The following WNK2 variants were observed in gnomAD, a reference collection of about 807,000 sequenced individuals.
WNK2 encodes WNK lysine deficient protein kinase 2, also known as serine/threonine-protein kinase WNK2.
A neutral mutation model predicts 192.1 loss-of-function variants in WNK2; 67 were observed. That is an observed-to-expected ratio of 0.35 (90% CI 0.29 to 0.43). The LOEUF (loss-of-function observed/expected upper bound fraction) is 0.43. WNK2 is among the 20% of genes least tolerant of loss of function. The probability of loss-of-function intolerance (pLI) is 1.00; values close to 1 mark genes in which losing one functional copy is unlikely to be tolerated. For missense variants in WNK2, 2,698 were observed against 3,089.7 expected (o/e 0.87, Z 3.01); for synonymous variants, 1,439 against 1,393.9 (o/e 1.03, Z -0.72).
chr9:93,314,931 C>T (rs1854349124), intron 28 of WNK2, among the ~76,000 whole-genome samples: 1 of 152,086 alleles, frequency 6.6e-6, no homozygotes, highest in Admixed American at 6.5e-5. Flanking sequence ...ATTCCCTAAA[C>T]ATTCTCATAC....
rs1843430836 is a variant in WNK2, at chr9:93,257,085, G to T, written c.2328G>T (p.Lys776Asn). 1.2e-6 allele frequency: 2 copies of T among 1,608,612 alleles called. No individual in the cohort carries two copies. Among genetic ancestry groups the T allele is most frequent in the Non-Finnish European group, 1.7e-6 (2 of 1,179,018 alleles). Residue 776 changes from lysine to asparagine, a missense_variant, in exon 11 of 30, where the codon AAG (lysine) becomes AAT (asparagine). Physicochemically the swap from Lys to Asn is moderately conservative, Grantham distance 94. This residue lies in a region of WNK2 where 893 missense variants were observed against 909.0 expected (regional missense o/e 0.98). Coordinates refer to ENST00000427277, the MANE Select transcript of WNK2 (RefSeq NM_006648.4). The surrounding 1 kb of genome is among the most constrained non-coding windows in gnomAD (Gnocchi z 4.7). Reference sequence around the variant, plus strand: ...AGGTGGGGGCCCCCGCTCAGCTGAAGCCCCTCCAGATGCCACAGGCGCCCC... The same window carrying T: ...AGGTGGGGGCCCCCGCTCAGCTGAATCCCCTCCAGATGCCACAGGCGCCCC... The part of the protein sequence containing the change: ...ASQVGAPAQL[K>N]PLQMPQAPLQ...
Position 93,261,915 on chromosome 9 carries a change from A to G in WNK2, c.3168A>G (p.Glu1056=). The G allele has an allele frequency of 6.2e-7, 1 of 1,607,974 alleles. No homozygotes were observed. The highest frequency in any genetic ancestry group is 2.2e-5 in the East Asian group (1 of 44,862). The part of the protein sequence containing the change: ...PAAVLSPPLP[E]VLLPAAPELL... ...CGGTCCTCTCGCCGCCTCTGCCGGA[A>G]GTGCTGCTGCCTGCCGCCCCTGAGC... Residue 1056 remains glutamate (E), a synonymous_variant, in exon 13 of 30, where the codon GAA becomes GAG. Transcript: ENST00000427277.
chr9:93,220,717 G>A (rs533308160), intron 2 of WNK2, among the ~76,000 whole-genome samples: 1 of 152,326 alleles, frequency 6.6e-6, no homozygotes, highest in Admixed American at 6.5e-5. Flanking sequence ...TCTGTGGACT[G>A]TGAGGCTTCA....
intron 2 of WNK2, among the ~76,000 whole-genome samples, chr9:93,207,900 TC>T (rs752226198): frequency 6.6e-6 from 1 of 152,190 alleles, no homozygotes; most frequent in Non-Finnish European, 1.5e-5. Flanking sequence ...CGTTCACAGT[TC>T]CGTTCTCGTG....
chr9:93,301,902 C>T (rs1851679442), intron 26 of WNK2, among the ~76,000 whole-genome samples: 1 of 152,214 alleles, frequency 6.6e-6, no homozygotes, highest in Non-Finnish European at 1.5e-5. Context: ...AATGTCTCCC[C>T]CAGTTCCCCC....
chr9:93,244,992 T>A (rs1445582929), intron 7 of WNK2, among the ~76,000 whole-genome samples: 1 of 152,140 alleles, frequency 6.6e-6, no homozygotes, highest in Non-Finnish European at 1.5e-5. Context: ...GACTGAGCCG[T>A]AAGCTTCTGT....
rs12352038 is a variant in WNK2, at chr9:93,259,476, T to G, written c.2928T>G (p.Pro976=). 4 of 756,330 alleles carry G rather than the reference T, an allele frequency of 5.3e-6. No homozygotes were observed. Among genetic ancestry groups the G allele is most frequent in the African/African-American group, 5.2e-5 (1 of 19,080 alleles). 46.9% of individuals were successfully genotyped at this position (756,330 alleles called of 1,614,324 possible). A position where few individuals can be genotyped will look rare whatever the true frequency, so the allele number is the denominator to read the frequency against. ...TGCCCCCGCAACCCACACGGCCCCCTCAACCTGTGCTGCCCCCGCAACCCA... is the reference window on the plus strand; with the variant it reads ...TGCCCCCGCAACCCACACGGCCCCCGCAACCTGTGCTGCCCCCGCAACCCA... ...PVLPPQPTRP[P]QPVLPPQPML... is the part of the protein sequence containing the mutation. Residue 976 remains proline, a synonymous_variant, in exon 12 of 30, where the codon CCT becomes CCG. Transcript: ENST00000427277. The surrounding 1 kb of genome is among the most constrained non-coding windows in gnomAD (Gnocchi z 4.8).
intron 26 of WNK2, among the ~76,000 whole-genome samples, chr9:93,304,816 C>T (rs750846099): frequency 1.3e-5 from 2 of 152,136 alleles, no homozygotes; most frequent in Admixed American, 6.5e-5. Context: ...GAGTGGCGTC[C>T]GACAGCATGG....
At chr9:93,191,295 G>A (rs187866764) in intron 2 of WNK2, among the ~76,000 whole-genome samples, 25 of 152,232 alleles carry the variant, frequency 1.6e-4, no homozygotes, top group African/African-American at 5.5e-4. Context: ...GGGAGGGAGC[G>A]GATGTTCCTG....
At position 93,259,549 on chromosome 9, in the gene WNK2, C is replaced by T. The variant is rs749441971; in HGVS notation, c.3001C>T (p.Arg1001Cys). ...GCCCCCGCAGCCGGCACTGCCTGTG[C>T]GCCCTGAGCCCCTCCAGCCCCACCT... ...VLPPQPALPV[R>C]PEPLQPHLPE... Residue 1001 changes from arginine to cysteine, a missense_variant, in exon 12 of 30, where the codon CGC becomes TGC. Arg to Cys is a radical substitution (Grantham distance 180). Transcript: ENST00000427277. This position sits in a 1 kb window ranked among gnomAD's most constrained non-coding sequence, Gnocchi z 4.8. 21 of 1,593,884 alleles carry T rather than the reference C, an allele frequency of 1.3e-5. No individual in the cohort carries two copies. Among genetic ancestry groups the T allele is most frequent in the East Asian group, 6.7e-5 (3 of 44,724 alleles).
intron 19 of WNK2, among the ~76,000 whole-genome samples, chr9:93,281,762 T>A (rs1025876229): frequency 9.2e-5 from 14 of 152,178 alleles, no homozygotes; most frequent in African/African-American, 2.9e-4. Flanking sequence ...ATTTAAAGGA[T>A]GCCCAAGAAA....
At position 93,264,047 on chromosome 9, in the gene WNK2, T is replaced by C. The variant is rs544869683; in HGVS notation, c.3696+14T>C. 4.6e-5 allele frequency: 73 copies of C among 1,597,504 alleles called. No individual in the cohort carries two copies. In the East Asian group the frequency reaches 1.4e-3, roughly 31 times the overall value. Reference sequence around the variant, plus strand: ...GCCACGTATATGGTGAGGCTGGGTCTGGGTGGCTTGGCTCCCGGTGTTTCT... The same window carrying C: ...GCCACGTATATGGTGAGGCTGGGTCCGGGTGGCTTGGCTCCCGGTGTTTCT... On this transcript the variant is annotated intron_variant, in intron 16 of 29. Coordinates refer to ENST00000427277, the MANE Select transcript of WNK2 (RefSeq NM_006648.4).
chr9:93,236,729 C>T (rs150254710), intron 5 of WNK2, among the ~76,000 whole-genome samples: 108 of 152,364 alleles, frequency 7.1e-4, no homozygotes, highest in Non-Finnish European at 2.9e-4. Context: ...GCAACAAAGC[C>T]GCATGGCCTG....
Position 93,186,381 on chromosome 9 carries a change from C to T in WNK2, c.681+771C>T, listed in dbSNP as rs1055410712. Among the ~76,000 whole-genome samples, 3 of 152,186 alleles carry T rather than the reference C, an allele frequency of 2.0e-5. No homozygotes were observed. The East Asian group carries it at 5.8e-4, about 29-fold the overall frequency. Reference sequence around the variant, plus strand: ...CCATCACCGTGGTGTCAGCCCCAGCCCTGCAAGATTATATAAACAGCCACC... The same window carrying T: ...CCATCACCGTGGTGTCAGCCCCAGCTCTGCAAGATTATATAAACAGCCACC... On this transcript the variant is annotated intron_variant, in intron 2 of 29. Transcript: ENST00000427277.
intron 23 of WNK2, among the ~76,000 whole-genome samples, chr9:93,295,256 G>A (rs536982899): frequency 2.0e-5 from 3 of 152,198 alleles, no homozygotes; most frequent in African/African-American, 4.8e-5. Flanking sequence ...ACCTGGATAA[G>A]CTCCAGCCTG....
Position 93,263,704 on chromosome 9 carries a change from G to A in WNK2, c.3549G>A (p.Arg1183=), listed in dbSNP as rs769414678. The change falls in exon 15 of 30, where the codon AGG becomes AGA. Residue 1183 remains arginine (R), a synonymous_variant. Transcript: ENST00000427277. ...RSTRARSRQE[R]ASRPRLTILN... is the part of the protein sequence containing the mutation. ...CGCGTGCGCGCTCCCGGCAGGAGAG[G>A]GCCAGCCGGCCCCGGCTTACCATCT... 1 of 1,537,772 alleles carries A rather than the reference G, an allele frequency of 6.5e-7. No homozygotes were observed. The highest frequency in any genetic ancestry group is 1.4e-5 in the African/African-American group (1 of 72,182).
At chr9:93,270,167 G>A (rs560101686) in intron 19 of WNK2, among the ~76,000 whole-genome samples, 1 of 152,290 alleles carries the variant, frequency 6.6e-6, no homozygotes, top group South Asian at 2.1e-4. Flanking sequence ...GAGAAGGAAG[G>A]ACTAGCTGGA....
chr9:93,288,168 C>T (rs1418195766), intron 19 of WNK2, among the ~76,000 whole-genome samples: 2 of 152,164 alleles, frequency 1.3e-5, no homozygotes, highest in Non-Finnish European at 2.9e-5. Flanking sequence ...GGTGGAGGCT[C>T]CATGAGCTCC....
rs1471256842 is a variant in WNK2, at chr9:93,317,448, T to TGG, written c.6517-68_6517-67dup. The TGG allele has an allele frequency of 2.0e-6, 3 of 1,478,374 alleles. No homozygotes were observed. The African/African-American group carries it at 4.1e-5, about 20-fold the overall frequency. The allele number at this position is 1,478,374 out of a possible 1,614,324, so 91.6% of individuals were successfully genotyped here. ...TGAGGATGGAGAAACTGTGGCACCC[T>TGG]GGGGGCCACTAAGGGAGGCCAGCTG... On this transcript the variant is annotated intron_variant, in intron 28 of 29. Transcript: ENST00000427277.
Sources: gnomAD v4.1 joint callset for allele counts (sites outside exome capture counted in the v4.1 genomes callset) on GRCh38, gnomAD v4.1.1 for gene constraint, gnomAD v4.1.1 regional missense constraint, Gnocchi (gnomAD v3.1) non-coding constraint, MANE v1.5 for transcripts, NCBI Gene and HGNC (gene_info 2026-07-23, HGNC 2026-07-21) for gene names.